Variants in BAHCC1 observed in about 807,000 individuals in gnomAD.
BAHCC1 encodes BAH and coiled-coil domain-containing protein 1.
BAHCC1 carries 43 observed loss-of-function variants against 88.2 expected under a neutral mutation model. The ratio of observed to expected loss-of-function variants is 0.49; its 90% CI spans 0.38 to 0.63. BAHCC1 has a LOEUF of 0.63. Ranked by LOEUF, BAHCC1 falls within the 20% of genes least tolerant of loss-of-function variation. BAHCC1 has a pLI of 0.00. For synonymous variants in BAHCC1, 1,510 were observed against 745.5 expected (o/e 2.03, Z -16.71); for missense variants, 3,023 against 1,654.8 (o/e 1.83, Z -14.34).
rs1227278741 is a variant in BAHCC1, at chr17:81,419,783, C to T, written c.179-7017C>T. ...TTCTCTGGAGCTGCCGCCATCTCAA[C>T]GAGGCGTTTTTTTTTTTTTTTTTTT... is the stretch of plus-strand genomic sequence containing the variant. On this transcript the variant is annotated intron_variant, in intron 2 of 27. Transcript: ENST00000675386. 4.4e-5 allele frequency among the ~76,000 whole-genome samples: 6 copies of T among 135,696 alleles called. No homozygotes were observed. In the South Asian group the frequency reaches 9.7e-4, roughly 22 times the overall value. 89.0% of individuals were successfully genotyped at this position (135,696 alleles called of 152,430 possible). A position where few individuals can be genotyped will look rare whatever the true frequency, so the allele number is the denominator to read the frequency against.
chr17:81,432,245 TG>T (rs1368401053), intron 3 of BAHCC1, among the ~76,000 whole-genome samples: 1 of 152,040 alleles, frequency 6.6e-6, no homozygotes, highest in African/African-American at 2.4e-5. Flanking sequence ...ATCTGACCGA[TG>T]GTGCAGCCGC....
chr17:81,460,525 C>T lies in BAHCC1; in HGVS notation c.6026-5C>T, dbSNP rs961053428. The T allele has an allele frequency of 2.7e-6, 2 of 743,474 alleles. No homozygotes were observed. The highest frequency in any genetic ancestry group is 3.4e-5 in the African/African-American group (2 of 57,976). The allele number at this position is 743,474 out of a possible 1,614,324, so 46.1% of individuals were successfully genotyped here. On this transcript the variant is annotated splice_region_variant and splice_polypyrimidine_tract_variant and intron_variant, in intron 24 of 27. Coordinates refer to ENST00000675386, the MANE Select transcript of BAHCC1 (RefSeq NM_001377448.1). ...ACTGAAGCCCTTGGCCCATGCTATC[C>T]ACAGGCACAGAGCCCTCTCCAGCCC...
chr17:81,438,425 C>A lies in BAHCC1; in HGVS notation c.414C>A (p.Ser138Arg), dbSNP rs542173919. 1.7e-5 allele frequency: 13 copies of A among 778,268 alleles called. No homozygotes were observed. In the South Asian group the frequency reaches 1.8e-4, roughly 10 times the overall value. 48.2% of individuals were successfully genotyped at this position (778,268 alleles called of 1,614,324 possible). The change falls in exon 4 of 28, where the codon AGC (serine) becomes AGA (arginine). Residue 138 changes from serine to arginine, a missense_variant. Ser to Arg is a moderately radical substitution (Grantham distance 110, BLOSUM62 -1). Coordinates refer to ENST00000675386, the MANE Select transcript of BAHCC1 (RefSeq NM_001377448.1). The part of the protein sequence containing the change: ...GSLASTFLPV[S>R]HLDHHGNSNV... ...TGGCATCCACCTTCCTACCCGTGAG[C>A]CACTTGGATCACCATGGAAACAGCA...
intron 2 of BAHCC1, among the ~76,000 whole-genome samples, chr17:81,426,556 A>G (rs2064202745): frequency 2.0e-5 from 3 of 151,728 alleles, no homozygotes; most frequent in Non-Finnish European, 4.4e-5. Flanking sequence ...TTGCAACAGC[A>G]GGAGAGTGTC....
At chr17:81,458,533 C>CTCCCCCGCAT (rs1296118664) in intron 18 of BAHCC1, 67 bp downstream of exon 18, 1 of 575,442 alleles carries the variant, frequency 1.7e-6, no homozygotes, top group African/African-American at 3.2e-5. Flanking sequence ...CTTCCCCGCC[C>CTCCCCCGCAT]TCCCCCGCAC....
Position 81,462,107 on chromosome 17 carries a change from G to T in BAHCC1, c.7383+61G>T, listed in dbSNP as rs1173285307. The T allele has an allele frequency of 1.2e-5, 8 of 675,472 alleles. No homozygotes were observed. The African/African-American group carries it at 1.4e-4, about 12-fold the overall frequency. The allele number at this position is 675,472 out of a possible 1,614,324, so 41.8% of individuals were successfully genotyped here. ...CCCAAGGAAACCGGGGCGGGCTCAT[G>T]CGCCCCTGCTGCCCTTCCCTCTCCT... On this transcript the variant is annotated intron_variant, in intron 26 of 27. Coordinates refer to ENST00000675386, the MANE Select transcript of BAHCC1 (RefSeq NM_001377448.1).
chr17:81,431,864 G>A (rs1049640642), intron 3 of BAHCC1, among the ~76,000 whole-genome samples: 1 of 152,186 alleles, frequency 6.6e-6, no homozygotes, highest in Admixed American at 6.5e-5. Context: ...CCAGGAGCCA[G>A]GGACTTAGCC....
intron 3 of BAHCC1, among the ~76,000 whole-genome samples, chr17:81,432,472 G>A (rs1230301763): frequency 2.8e-5 from 4 of 141,330 alleles, no homozygotes; most frequent in African/African-American, 5.4e-5. Context: ...CTAGCTCCAC[G>A]CTCCGAGAAC....
chr17:81,441,656 G>A (rs554511152), intron 4 of BAHCC1, among the ~76,000 whole-genome samples, 175 bp from the exon 5 acceptor site: 41 of 130,662 alleles, frequency 3.1e-4, no homozygotes, highest in Admixed American at 6.2e-4. Context: ...AGGGCAGAGC[G>A]AGACTCCGTC....
rs1049339739 is a variant in BAHCC1, at chr17:81,443,866, C to T, written c.2273C>T (p.Thr758Met). The T allele has an allele frequency of 1.5e-5, 11 of 714,160 alleles. No homozygotes were observed. Among genetic ancestry groups the T allele is most frequent in the Middle Eastern group, 2.3e-4 (1 of 4,386 alleles). The allele number at this position is 714,160 out of a possible 1,614,324, so 44.2% of individuals were successfully genotyped here. ...ALDLEAEEER[T>M]RLCDDRLGLA... The stretch of plus-strand genomic sequence containing the variant: ...GACCTGGAGGCTGAGGAGGAGAGGA[C>T]GAGGCTATGTGATGACCGCCTGGGG... Residue 758 changes from threonine (T) to methionine (M), a missense_variant, in exon 6 of 28, where the codon ACG (threonine) becomes ATG (methionine). Transcript: ENST00000675386.
chr17:81,422,724 G>A (rs1453094954), intron 2 of BAHCC1: 1 of 418,914 alleles, frequency 2.4e-6, no homozygotes, highest in African/African-American at 2.1e-5. Context: ...CAAGGTACAG[G>A]GTTCTCAGGC....
intron 3 of BAHCC1, among the ~76,000 whole-genome samples, chr17:81,427,539 A>C (rs988733915): frequency 6.6e-6 from 1 of 152,142 alleles, no homozygotes; most frequent in South Asian, 2.1e-4. Flanking sequence ...CTGCCTGGCC[A>C]GCAGGAGACT....
chr17:81,399,244 C>A lies in BAHCC1; in HGVS notation c.-206-290C>A. The A allele has an allele frequency of 2.5e-6, 1 of 407,062 alleles. No individual in the cohort carries two copies. The highest frequency in any genetic ancestry group is 4.9e-6 in the Non-Finnish European group (1 of 202,510). 25.2% of individuals were successfully genotyped at this position (407,062 alleles called of 1,614,324 possible). A position where few individuals can be genotyped will look rare whatever the true frequency, so the allele number is the denominator to read the frequency against. ...CCGCGGCGCCCTAGCTGCAGGGACC[C>A]GCGGGGACGAGAACGGGAGGCGGCG... On this transcript the variant is annotated intron_variant, in intron 1 of 27. Coordinates refer to ENST00000675386, the MANE Select transcript of BAHCC1 (RefSeq NM_001377448.1). The surrounding 1 kb of genome is among the most constrained non-coding windows in gnomAD (Gnocchi z 4.5).
chr17:81,414,751 C>T (rs2063997967), intron 2 of BAHCC1, among the ~76,000 whole-genome samples: 1 of 152,212 alleles, frequency 6.6e-6, no homozygotes, highest in Non-Finnish European at 1.5e-5. Flanking sequence ...CACAGCCTCA[C>T]CACGTGTCCC....
intron 2 of BAHCC1, chr17:81,415,630 T>TTGGCAC (rs1555648520): frequency 2.0e-6 from 1 of 492,370 alleles, no homozygotes; most frequent in East Asian, 6.1e-5. Flanking sequence ...AGTCGGGCTC[T>TTGGCAC]TGGCACCTGG....
In BAHCC1 at chr17:81,460,601, C is replaced by T. The variant is rs782473675; in HGVS notation, c.6097C>T (p.Pro2033Ser). Residue 2033 changes from proline (P) to serine (S), a missense_variant, in exon 25 of 28, where the codon CCC becomes TCC. Coordinates refer to ENST00000675386, the MANE Select transcript of BAHCC1 (RefSeq NM_001377448.1). ...GACCAAGAAGGTATCCAGTGAGGCA[C>T]CCCCGCCTAGTGAAGCCGCCACCCC... Reference protein sequence around the residue: ...RRTKKVSSEAPPPSEAATPSL... With the variant: ...RRTKKVSSEASPPSEAATPSL... The T allele has an allele frequency of 5.2e-6, 4 of 769,518 alleles. No individual in the cohort carries two copies. Among genetic ancestry groups the T allele is most frequent in the Non-Finnish European group, 9.7e-6 (4 of 413,356 alleles). The allele number at this position is 769,518 out of a possible 1,614,324, so 47.7% of individuals were successfully genotyped here.
intron 11 of BAHCC1, 64 bp downstream of exon 11, chr17:81,447,912 G>A: frequency 1.4e-6 from 1 of 704,262 alleles, no homozygotes; most frequent in South Asian, 1.5e-5. Context: ...GCCTGCCTCA[G>A]GGTCACCTGG....
chr17:81,462,284 G>C (rs920232714), intron 26 of BAHCC1, among the ~76,000 whole-genome samples: 2 of 152,216 alleles, frequency 1.3e-5, no homozygotes, highest in African/African-American at 4.8e-5. Flanking sequence ...TTCATGTCGG[G>C]CCGGGCCTGA....
Position 81,442,497 on chromosome 17 carries a change from C to T in BAHCC1, c.1148C>T (p.Ala383Val), listed in dbSNP as rs570844728. The change falls in exon 5 of 28, where the codon GCC becomes GTC. Residue 383 changes from alanine (A) to valine (V), a missense_variant. Coordinates refer to ENST00000675386, the MANE Select transcript of BAHCC1 (RefSeq NM_001377448.1). ...PDGLCPLQDK[A>V]PRDLKASGPT... ...GGGCTCTGCCCGCTGCAGGACAAAG[C>T]CCCCCGGGACCTAAAGGCCAGCGGG... The T allele has an allele frequency of 1.3e-5, 9 of 715,250 alleles. No individual in the cohort carries two copies. The African/African-American group carries it at 1.4e-4, about 11-fold the overall frequency. 44.3% of individuals were successfully genotyped at this position (715,250 alleles called of 1,614,324 possible).
Sources: allele counts gnomAD v4.1 joint callset (sites outside exome capture counted in the v4.1 genomes callset), GRCh38; gene constraint gnomAD v4.1.1; non-coding constraint Gnocchi (gnomAD v3.1); transcripts MANE v1.5; gene names NCBI Gene and HGNC (gene_info 2026-07-23, HGNC 2026-07-21).